Variants in DMD observed in about 807,000 individuals in gnomAD.
DMD encodes the protein mutant dystrophin.
DMD carries 63 observed loss-of-function variants against 330.1 expected under a neutral mutation model. The observed-to-expected ratio is 0.19, with a 90% CI of 0.16 to 0.24. The LOEUF is 0.24. Ranked by LOEUF, DMD falls within the 10% of genes least tolerant of loss-of-function variation. The pLI is 1.00. For synonymous variants in DMD, 1,223 were observed against 959.8 expected, an observed-to-expected ratio of 1.27 and a Z score of -5.07; for missense variants, 3,344 against 2,684.1, an observed-to-expected ratio of 1.25 and a Z score of -5.43.
intron 34 of DMD, among the ~76,000 whole-genome samples, chrX:32,378,545 G>A (rs754627897): frequency 3.1e-4 from 34 of 110,491 alleles, no homozygotes; most frequent in African/African-American, 1.1e-3. Context: ...ACATTTTTAT[G>A]TATTTGAATA....
chrX:33,066,591 A>G (rs191624616), intron 1 of DMD, among the ~76,000 whole-genome samples: 1 of 110,366 alleles, frequency 9.1e-6, no homozygotes, highest in East Asian at 2.9e-4. Flanking sequence ...GGTAGGACTC[A>G]GCTCCTAGAT....
At chrX:31,691,494 T>C (rs958163766) in intron 52 of DMD, among the ~76,000 whole-genome samples, 1 of 111,319 alleles carries the variant, frequency 9.0e-6, no homozygotes, top group African/African-American at 3.3e-5. Context: ...AGTGGTTGAG[T>C]GGATTAACGA....
intron 57 of DMD, among the ~76,000 whole-genome samples, chrX:31,483,070 G>C (rs113516599): frequency 0.17 from 13,986 of 81,730 alleles, 1,257 homozygotes; most frequent in African/African-American, 0.33. Flanking sequence ...TTTTTGAGAT[G>C]GAGTCTCGCT....
chrX:31,796,226 A>C (rs1227324484), intron 50 of DMD, among the ~76,000 whole-genome samples: 1 of 112,688 alleles, frequency 8.9e-6, no homozygotes, highest in South Asian at 3.6e-4. Context: ...GAGGTTTTGT[A>C]GAAGATGCTA....
chrX:31,382,900 A>T (rs1480209360), intron 60 of DMD, among the ~76,000 whole-genome samples: 2 of 111,550 alleles, frequency 1.8e-5, no homozygotes, highest in African/African-American at 6.5e-5. Context: ...TTTTCTTATT[A>T]ATATAAGAAG....
At chrX:32,533,812 G>A (rs1320421465) in intron 17 of DMD, among the ~76,000 whole-genome samples, 1 of 112,030 alleles carries the variant, frequency 8.9e-6, no homozygotes, top group Non-Finnish European at 1.9e-5. Context: ...CTTGGACCCT[G>A]TGGGAGGCAA....
At chrX:31,321,859 C>T (rs1569525773) in intron 62 of DMD, among the ~76,000 whole-genome samples, 1 of 111,206 alleles carries the variant, frequency 9.0e-6, no homozygotes, top group Non-Finnish European at 1.9e-5. Flanking sequence ...GGAATTACAG[C>T]TTTTCTGGAA....
chrX:32,971,866 A>C (rs1161109394), intron 2 of DMD, among the ~76,000 whole-genome samples: 1 of 111,005 alleles, frequency 9.0e-6, no homozygotes, highest in East Asian at 2.8e-4. Flanking sequence ...AATCTACCTA[A>C]AATTCACAGA....
chrX:31,935,659 T>C (rs185739414), intron 45 of DMD, among the ~76,000 whole-genome samples: 2 of 111,546 alleles, frequency 1.8e-5, no homozygotes, highest in East Asian at 5.6e-4. Context: ...TGAATACTTT[T>C]AGTTAAGTAA....
At chrX:31,814,651 T>C (rs935523694) in intron 50 of DMD, among the ~76,000 whole-genome samples, 8 of 111,325 alleles carry the variant, frequency 7.2e-5, no homozygotes, top group African/African-American at 2.6e-4. Flanking sequence ...TGCAATTTCT[T>C]TCAAAAATGC....
intron 48 of DMD, among the ~76,000 whole-genome samples, chrX:31,851,922 T>C (rs1462128172): frequency 9.0e-6 from 1 of 111,014 alleles, no homozygotes; most frequent in Admixed American, 9.7e-5. Context: ...ACGATTCAAG[T>C]AGCTATCTCA....
At chrX:32,242,004 A>T (rs73219281) in intron 43 of DMD, among the ~76,000 whole-genome samples, 1 of 111,703 alleles carries the variant, frequency 9.0e-6, no homozygotes, top group Middle Eastern at 4.2e-3. Flanking sequence ...GACCAGGTAG[A>T]TCATCATGCT....
intron 29 of DMD, among the ~76,000 whole-genome samples, chrX:32,421,260 G>A (rs2098188429): frequency 8.9e-6 from 1 of 112,055 alleles, no homozygotes; most frequent in Non-Finnish European, 1.9e-5. Context: ...AGCTCAGTCA[G>A]TATCTACATT....
intron 1 of DMD, among the ~76,000 whole-genome samples, chrX:33,196,441 AAACTCAAC>A (rs1417687748): frequency 6.3e-5 from 7 of 111,199 alleles, no homozygotes; most frequent in African/African-American, 2.0e-4. Context: ...TTTGTTTTAG[AAACTCAAC>A]GGGGGCAGCA....
intron 44 of DMD, among the ~76,000 whole-genome samples, chrX:32,131,121 G>T (rs1389910329): frequency 9.0e-6 from 1 of 111,531 alleles, no homozygotes; most frequent in Admixed American, 9.5e-5. Flanking sequence ...GGAGGCAGAG[G>T]TTGCAGTGAG....
intron 55 of DMD, among the ~76,000 whole-genome samples, chrX:31,511,416 T>C (rs1159960527): frequency 9.6e-6 from 1 of 104,338 alleles, no homozygotes; most frequent in Non-Finnish European, 2.0e-5. Flanking sequence ...TGTGCCATGC[T>C]GGTGCGCTGC....
intron 67 of DMD, among the ~76,000 whole-genome samples, chrX:31,197,140 A>T: frequency 9.0e-6 from 1 of 111,588 alleles, no homozygotes; most frequent in Non-Finnish European, 1.9e-5. Context: ...TAATCCTCAC[A>T]ATCACCTCCA....
intron 49 of DMD, among the ~76,000 whole-genome samples, chrX:31,833,273 G>GGA (rs1248049970): frequency 6.0e-5 from 3 of 49,857 alleles, no homozygotes; most frequent in Non-Finnish European, 9.6e-5. Flanking sequence ...GGAGGAAGGG[G>GGA]GAGAGAGAGA....
intron 48 of DMD, among the ~76,000 whole-genome samples, chrX:31,837,327 T>G (rs907255805): frequency 8.9e-6 from 1 of 111,893 alleles, no homozygotes. Context: ...GTATCAAAGC[T>G]TATTATTTAT....
Sources: allele counts gnomAD v4.1 joint callset (sites outside exome capture counted in the v4.1 genomes callset), GRCh38; gene constraint gnomAD v4.1.1; transcripts MANE v1.5; gene names NCBI Gene and HGNC (gene_info 2026-07-23, HGNC 2026-07-21).